DUS1L: variants seen among roughly 807,000 people sequenced by gnomAD.
The protein encoded by DUS1L is dihydrouridine synthase 1 like.
Under a neutral mutation model 61.2 loss-of-function variants are expected in DUS1L, and 56 were observed. The observed-to-expected ratio is 0.92, with a 90% CI of 0.74 to 1.14. The LOEUF (loss-of-function observed/expected upper bound fraction) is 1.14, where lower values mean the gene tolerates loss of function less well. DUS1L is among the 50% of genes most tolerant of loss of function. The pLI is 0.00. For synonymous variants in DUS1L, 278 were observed against 259.5 expected, an observed-to-expected ratio of 1.07 and a Z score of -0.69; for missense variants, 630 against 632.4, an observed-to-expected ratio of 1.00 and a Z score of 0.04.
At chr17:82,059,147 A>AG (rs1036021562) in intron 11 of DUS1L, 12 of 347,166 alleles carry the variant, frequency 3.5e-5, no homozygotes, top group Non-Finnish European at 6.0e-5. Context: ...ACAGGGTCCA[A>AG]GGGGGGTTCC....
intron 3 of DUS1L, among the ~76,000 whole-genome samples, 191 bp downstream of exon 3, chr17:82,063,935 G>A (rs911877371): frequency 6.6e-6 from 1 of 152,192 alleles, no homozygotes; most frequent in Non-Finnish European, 1.5e-5. Flanking sequence ...AGTAGGGCTC[G>A]GCCCCTAGCC....
chr17:82,062,937 G>A lies in DUS1L; in HGVS notation c.434C>T (p.Thr145Met), dbSNP rs751958468. The A allele has an allele frequency of 5.6e-6, 9 of 1,613,048 alleles. No homozygotes were observed. The highest frequency in any genetic ancestry group is 4.4e-5 in the South Asian group (4 of 91,086). ...LAHEKLSVPV[T>M]CKIRVFPEID... ...CTCCGGGAAGACACGGATTTTGCACGTGACAGGAACAGAGAGTTTCTCGTG... is the reference window on the plus strand; with the variant it reads ...CTCCGGGAAGACACGGATTTTGCACATGACAGGAACAGAGAGTTTCTCGTG... The change falls in exon 5 of 14, where the codon ACG becomes ATG. Residue 145 changes from threonine (T) to methionine (M), a missense_variant. Coordinates refer to ENST00000306796, the MANE Select transcript of DUS1L (RefSeq NM_022156.5).
intron 11 of DUS1L, chr17:82,059,650 A>G (rs2033359967): frequency 1.5e-5 from 6 of 411,428 alleles, no homozygotes; most frequent in Non-Finnish European, 1.8e-5. Context: ...GGGCAGGGGC[A>G]GCCGCAGGGA....
intron 7 of DUS1L, 113 bp downstream of exon 7, chr17:82,061,505 C>A (rs2033491978): frequency 7.0e-7 from 1 of 1,428,030 alleles, no homozygotes; most frequent in African/African-American, 1.4e-5. Context: ...TTGATGAACA[C>A]CATCTGTGAA....
In DUS1L at chr17:82,065,788, G is replaced by A. The variant is rs2033742585; in HGVS notation, c.-186C>T. Reference sequence around the variant, plus strand: ...GCCGCCGGGCCGCAGCCGGGCCCAAGGCTCCGCGCCGCCACCGGAAGGTGC... The same window carrying A: ...GCCGCCGGGCCGCAGCCGGGCCCAAAGCTCCGCGCCGCCACCGGAAGGTGC... On this transcript the variant is annotated 5_prime_UTR_variant, in exon 1 of 14. Transcript: ENST00000306796. 1 of 149,458 alleles carries A rather than the reference G, an allele frequency of 6.7e-6. No individual in the cohort carries two copies. Among genetic ancestry groups the A allele is most frequent in the African/African-American group, 2.4e-5 (1 of 41,112 alleles). 9.3% of individuals were successfully genotyped at this position (149,458 alleles called of 1,614,324 possible).
rs145684536 is a variant in DUS1L, at chr17:82,063,029, CAAGCCCCA to C, written c.398-64_398-57del. On this transcript the variant is annotated intron_variant, in intron 4 of 13. Transcript: ENST00000306796. ...GCCATGGTGTTCCCACTTTAGCGGC[CAAGCCCCA>C]GAGCCCAGGGCCCTGCAGACAGCGG... The C allele has an allele frequency of 4.4e-3, 6,572 of 1,489,818 alleles. 262 individuals carry two copies. In the African/African-American group the frequency reaches 0.082, roughly 19 times the overall value. The allele number at this position is 1,489,818 out of a possible 1,614,324, so 92.3% of individuals were successfully genotyped here.
intron 10 of DUS1L, 135 bp downstream of exon 10, chr17:82,060,566 C>T: frequency 8.4e-7 from 1 of 1,187,630 alleles, no homozygotes; most frequent in Non-Finnish European, 1.2e-6. Flanking sequence ...CCGAGGCCTC[C>T]CTCCTCCTTT....
intron 10 of DUS1L, 85 bp from the exon 11 acceptor site, chr17:82,060,178 G>A: frequency 6.6e-7 from 1 of 1,509,124 alleles, no homozygotes; most frequent in Admixed American, 2.1e-5. Context: ...GTCTGGGTGA[G>A]GGGCCAGGCG....
chr17:82,058,894 C>T, intron 11 of DUS1L, 76 bp from the exon 12 acceptor site: 1 of 1,357,516 alleles, frequency 7.4e-7, no homozygotes, highest in Non-Finnish European at 1.1e-6. Flanking sequence ...CGTCCGCCTG[C>T]ACGGAGCCTG....
chr17:82,062,904 T>G lies in DUS1L; in HGVS notation c.467A>C (p.Lys156Thr). The G allele has an allele frequency of 6.2e-7, 1 of 1,613,080 alleles. No homozygotes were observed. The highest frequency in any genetic ancestry group is 8.5e-7 in the Non-Finnish European group (1 of 1,179,960). ...CAGCATCTGGGCGTACCTCACGGTC[T>G]TGTCAATCTCCGGGAAGACACGGAT... Reference protein sequence around the residue: ...CKIRVFPEIDKTVRYAQMLEK... With the variant: ...CKIRVFPEIDTTVRYAQMLEK... The change falls in exon 5 of 14, where the codon AAG (lysine) becomes ACG (threonine). Residue 156 changes from lysine (K) to threonine (T), a missense_variant. By Grantham distance (78) the Lys-to-Thr change is moderately conservative. Transcript: ENST00000306796.
At chr17:82,062,079 C>T in intron 5 of DUS1L, 96 bp from the exon 6 acceptor site, 1 of 1,132,000 alleles carries the variant, frequency 8.8e-7, no homozygotes, top group Non-Finnish European at 1.2e-6. Context: ...CTACTCCACC[C>T]CTCCGAGCCC....
chr17:82,065,226 G>C, intron 1 of DUS1L, 157 bp from the exon 2 acceptor site: 1 of 632,526 alleles, frequency 1.6e-6, no homozygotes, highest in Non-Finnish European at 2.6e-6. Flanking sequence ...GCTGGAGAAC[G>C]GCCACTCCAG....
In DUS1L at chr17:82,057,913, C is replaced by T. The variant is rs772734309; in HGVS notation, c.*202G>A. ...AAATGATTTATTGTTCACTTTTGCA[C>T]ACGCGTGCTGAGGACAGGGCAGGTC... On this transcript the variant is annotated 3_prime_UTR_variant, in exon 14 of 14. Transcript: ENST00000306796. 7 of 482,034 alleles carry T rather than the reference C, an allele frequency of 1.5e-5. No individual in the cohort carries two copies. The highest frequency in any genetic ancestry group is 1.7e-5 in the Non-Finnish European group (5 of 286,010). The allele number at this position is 482,034 out of a possible 1,614,324, so 29.9% of individuals were successfully genotyped here.
chr17:82,060,839 G>A (rs374931555), intron 9 of DUS1L, 26 bp downstream of exon 9: 398 of 1,611,186 alleles, frequency 2.5e-4, no homozygotes, highest in Non-Finnish European at 3.1e-4. Flanking sequence ...CTGCAAGGCC[G>A]GGCTCCCACC....
At chr17:82,058,710 AGCAGT>A (rs2033231596) in intron 12 of DUS1L, 66 bp downstream of exon 12, 2 of 1,600,962 alleles carry the variant, frequency 1.2e-6, no homozygotes, top group Admixed American at 1.7e-5. Context: ...TGCCACCCCA[AGCAGT>A]GCAGAGACCA....
intron 5 of DUS1L, among the ~76,000 whole-genome samples, chr17:82,062,289 CAAGGCCA>C (rs1294235197): frequency 6.6e-6 from 1 of 152,210 alleles, no homozygotes; most frequent in African/African-American, 2.4e-5. Flanking sequence ...CCCCACTGCC[CAAGGCCA>C]AAGGTGTGGG....
intron 7 of DUS1L, 74 bp from the exon 8 acceptor site, chr17:82,061,427 T>G: frequency 6.6e-7 from 1 of 1,525,754 alleles, no homozygotes; most frequent in South Asian, 1.3e-5. Context: ...CCTGGGACAC[T>G]CAGGACACCC....
Position 82,058,008 on chromosome 17 carries a change from T to G in DUS1L, c.*107A>C. The G allele has an allele frequency of 7.3e-7, 1 of 1,375,622 alleles. No individual in the cohort carries two copies. The highest frequency in any genetic ancestry group is 9.6e-7 in the Non-Finnish European group (1 of 1,046,944). 85.2% of individuals were successfully genotyped at this position (1,375,622 alleles called of 1,614,324 possible). On this transcript the variant is annotated 3_prime_UTR_variant, in exon 14 of 14. Coordinates refer to ENST00000306796, the MANE Select transcript of DUS1L (RefSeq NM_022156.5). ...AGTGGGCCGAAGGGGGACATGGGCG[T>G]GTCTTTCCACATTAAGTAGCAGGAG...
In DUS1L at chr17:82,061,683, A is replaced by G; in HGVS notation, c.632T>C (p.Ile211Thr). 1 of 1,613,044 alleles carries G rather than the reference A, an allele frequency of 6.2e-7. No individual in the cohort carries two copies. Among genetic ancestry groups the G allele is most frequent in the Non-Finnish European group, 8.5e-7 (1 of 1,179,916 alleles). Residue 211 changes from isoleucine to threonine, a missense_variant, in exon 7 of 14, where the codon ATC becomes ACC. Ile to Thr is a moderately conservative substitution (Grantham distance 89, BLOSUM62 -1). Coordinates refer to ENST00000306796, the MANE Select transcript of DUS1L (RefSeq NM_022156.5). ...GCGCTCCACGTCCTGCAGGCACTGG[A>G]TGTTCCCGTTAGCAAACACAGGGAT... ...VAIPVFANGN[I>T]QCLQDVERCL...
Sources: allele counts gnomAD v4.1 joint callset (sites outside exome capture counted in the v4.1 genomes callset), GRCh38; gene constraint gnomAD v4.1.1; transcripts MANE v1.5; gene names NCBI Gene and HGNC (gene_info 2026-07-23, HGNC 2026-07-21).